Variants in LPP observed in about 807,000 individuals in gnomAD.
The protein encoded by LPP is lipoma-preferred partner.
In LPP, 38 loss-of-function variants were observed where a neutral mutation model predicts 60.4. The observed-to-expected ratio is 0.63, with a 90% CI of 0.49 to 0.83. The LOEUF (loss-of-function observed/expected upper bound fraction) is 0.83, where lower values mean the gene tolerates loss of function less well. Ranked by LOEUF, LPP falls within the 40% of genes least tolerant of loss-of-function variation. The pLI is 0.00. For missense variants in LPP, 902 were observed against 783.6 expected, an observed-to-expected ratio of 1.15 and a Z score of -1.80; for synonymous variants, 328 against 290.8, an observed-to-expected ratio of 1.13 and a Z score of -1.30.
intron 4 of LPP, among the ~76,000 whole-genome samples, chr3:188,411,731 A>G (rs1784926390): frequency 6.6e-6 from 1 of 152,144 alleles, no homozygotes; most frequent in East Asian, 1.9e-4. Context: ...CCCCAAAAAT[A>G]AAACAACAAC....
At chr3:188,534,866 A>G (rs1409625645) in intron 6 of LPP, among the ~76,000 whole-genome samples, 1 of 152,222 alleles carries the variant, frequency 6.6e-6, no homozygotes, top group Non-Finnish European at 1.5e-5. Flanking sequence ...TGCCCTCCAC[A>G]CAAAATATCA....
chr3:188,508,678 A>G (rs1814282695), intron 5 of LPP, among the ~76,000 whole-genome samples: 2 of 152,374 alleles, frequency 1.3e-5, no homozygotes, highest in Non-Finnish European at 2.9e-5. Context: ...GATGAGGAGA[A>G]GTGAAGTAGA....
intron 9 of LPP, among the ~76,000 whole-genome samples, chr3:188,789,555 A>G (rs1326477804): frequency 3.3e-5 from 5 of 152,194 alleles, no homozygotes; most frequent in Non-Finnish European, 7.3e-5. Context: ...AAATCTTCCT[A>G]ACATACAAGA....
In LPP at chr3:188,874,878, T is replaced by A; in HGVS notation, c.*399T>A. 1 of 239,660 alleles carries A rather than the reference T, an allele frequency of 4.2e-6. No individual in the cohort carries two copies. The highest frequency in any genetic ancestry group is 8.3e-6 in the Non-Finnish European group (1 of 121,134). 14.8% of individuals were successfully genotyped at this position (239,660 alleles called of 1,614,324 possible). On this transcript the variant is annotated 3_prime_UTR_variant, in exon 12 of 12. Coordinates refer to ENST00000617246, the MANE Select transcript of LPP (RefSeq NM_001375462.1). ...GCCAACTCACAGGTGCTTTTAGGCT[T>A]GAAATCTCCATCCTATCATTTCCGT...
At chr3:188,732,629 A>G (rs1721029782) in intron 8 of LPP, among the ~76,000 whole-genome samples, 1 of 150,862 alleles carries the variant, frequency 6.6e-6, no homozygotes, top group African/African-American at 2.4e-5. Context: ...GAGACAGGAG[A>G]ATCGCTTGAA....
chr3:188,602,155 T>TATATATAATATATATATAATATATATATA (rs1553939333), intron 6 of LPP, among the ~76,000 whole-genome samples: 1 of 125,712 alleles, frequency 8.0e-6, no homozygotes. Context: ...ATATATATAA[T>TATATATAATATATATATAATATATATATA]ATATATATAA....
intron 9 of LPP, among the ~76,000 whole-genome samples, chr3:188,778,485 G>C (rs533446126): frequency 6.6e-6 from 1 of 152,174 alleles, no homozygotes; most frequent in South Asian, 2.1e-4. Flanking sequence ...TTACATTCTG[G>C]AGGTGTAATT....
chr3:188,387,691 C>T (rs145473780), intron 3 of LPP, among the ~76,000 whole-genome samples: 6 of 151,780 alleles, frequency 4.0e-5, no homozygotes, highest in African/African-American at 7.3e-5. Context: ...GCCAGCCTCC[C>T]GAGTAGCTGG....
chr3:188,452,632 G>A (rs1264096881), intron 4 of LPP, among the ~76,000 whole-genome samples: 5 of 152,130 alleles, frequency 3.3e-5, no homozygotes, highest in South Asian at 4.1e-4. Flanking sequence ...AATGCTTTCC[G>A]TTCAGTACTT....
At chr3:188,183,800 G>A (rs138775684) in intron 1 of LPP, among the ~76,000 whole-genome samples, 1 of 152,124 alleles carries the variant, frequency 6.6e-6, no homozygotes, top group African/African-American at 2.4e-5. Context: ...GGCAAGCTGG[G>A]ATGTGAACCC....
intron 2 of LPP, among the ~76,000 whole-genome samples, chr3:188,266,448 A>G (rs1267381189): frequency 6.6e-6 from 1 of 151,838 alleles, no homozygotes; most frequent in African/African-American, 2.4e-5. Flanking sequence ...CTCACTACCA[A>G]AAGTGGCTGG....
intron 7 of LPP, among the ~76,000 whole-genome samples, chr3:188,660,602 T>C (rs930850088): frequency 6.6e-6 from 1 of 152,096 alleles, no homozygotes; most frequent in African/African-American, 2.4e-5. Context: ...AAGCATCATA[T>C]GACTTCTTGT....
intron 5 of LPP, among the ~76,000 whole-genome samples, chr3:188,522,144 C>G (rs1303829004): frequency 6.6e-6 from 1 of 152,190 alleles, no homozygotes; most frequent in Non-Finnish European, 1.5e-5. Context: ...GTATACAGAC[C>G]TGCTGGCCTT....
chr3:188,347,871 A>AG (rs1445782143), intron 3 of LPP, among the ~76,000 whole-genome samples: 2 of 152,208 alleles, frequency 1.3e-5, no homozygotes, highest in Non-Finnish European at 2.9e-5. Context: ...GGTGGTTAGA[A>AG]GGGGTAAGAC....
chr3:188,820,495 C>T (rs146862853), intron 9 of LPP, among the ~76,000 whole-genome samples: 373 of 152,200 alleles, frequency 2.5e-3, no homozygotes, highest in African/African-American at 8.7e-3. Flanking sequence ...ATACTCTTCT[C>T]AAAAGTACAC....
chr3:188,681,452 T>A (rs1859495483), intron 7 of LPP, among the ~76,000 whole-genome samples: 1 of 152,228 alleles, frequency 6.6e-6, no homozygotes, highest in Non-Finnish European at 1.5e-5. Flanking sequence ...TCCAAAATGT[T>A]CATAGCATTT....
intron 9 of LPP, among the ~76,000 whole-genome samples, chr3:188,829,759 C>G (rs1284387847): frequency 6.6e-6 from 1 of 152,126 alleles, no homozygotes; most frequent in Non-Finnish European, 1.5e-5. Flanking sequence ...AGTCCTCACC[C>G]CAGCTTGGCT....
At chr3:188,183,847 T>C (rs2148929583) in intron 1 of LPP, among the ~76,000 whole-genome samples, 1 of 152,264 alleles carries the variant, frequency 6.6e-6, no homozygotes, top group African/African-American at 2.4e-5. Context: ...ACCTTAATTG[T>C]CGTACTACAC....
chr3:188,719,045 A>AGCG (rs1374423555), intron 8 of LPP, among the ~76,000 whole-genome samples: 1 of 152,180 alleles, frequency 6.6e-6, no homozygotes, highest in Non-Finnish European at 1.5e-5. Flanking sequence ...CATGGCTGCT[A>AGCG]CATTTATTGA....
Sources: gnomAD v4.1 joint callset for allele counts (sites outside exome capture counted in the v4.1 genomes callset) on GRCh38, gnomAD v4.1.1 for gene constraint, MANE v1.5 for transcripts, NCBI Gene and HGNC (gene_info 2026-07-23, HGNC 2026-07-21) for gene names.